The following EMG1 variants were observed in gnomAD, a reference collection of about 807,000 sequenced individuals.
EMG1 encodes EMG1 N1-specific pseudouridine methyltransferase.
A neutral mutation model predicts 26.9 loss-of-function variants in EMG1; 24 were observed. The observed-to-expected ratio is 0.89, with a 90% CI of 0.65 to 1.26. The LOEUF (loss-of-function observed/expected upper bound fraction) is 1.26. Ranked by LOEUF, EMG1 falls within the 50% of genes most tolerant of loss-of-function variation. EMG1 has a pLI of 0.00. For missense variants in EMG1, 299 were observed against 307.6 expected, an observed-to-expected ratio of 0.97 and a Z score of 0.21; for synonymous variants, 140 against 112.6, an observed-to-expected ratio of 1.24 and a Z score of -1.54.
At chr12:6,990,028 T>C (rs1296109984), downstream of EMG1, among the ~76,000 whole-genome samples, 7 of 149,454 alleles carry the variant, frequency 4.7e-5, no homozygotes, top group Non-Finnish European at 7.4e-5. Flanking sequence ...AAAAAAATAG[T>C]TGGGTGGGGT....
chr12:6,995,772 C>T (rs1342993364), intron 7 of EMG1, among the ~76,000 whole-genome samples: 1 of 152,176 alleles, frequency 6.6e-6, no homozygotes, highest in Non-Finnish European at 1.5e-5. Context: ...GACTACTCAA[C>T]AGAGTCAGCA....
chr12:6,975,209 TTC>T lies in EMG1; in HGVS notation c.472-14_472-13del, dbSNP rs782795998. 47 of 1,613,888 alleles carry T rather than the reference TTC, an allele frequency of 2.9e-5. No homozygotes were observed. The highest frequency in any genetic ancestry group is 3.4e-5 in the Non-Finnish European group (40 of 1,179,882). On this transcript the variant is annotated intron_variant, in intron 4 of 5. Coordinates refer to ENST00000599672, the MANE Select transcript of EMG1 (RefSeq NM_006331.8). ...CTGGGAATGTTTCTGGGGCTGACTTTTCTCTCTTTTTTACTTTAGGTAATTAA... is the reference window on the plus strand; with the variant it reads ...CTGGGAATGTTTCTGGGGCTGACTTTTCTCTTTTTTACTTTAGGTAATTAA...
rs377272519 is a variant in EMG1 at position 6,974,385 on chromosome 12, T to C, written c.215T>C (p.Ile72Thr). The change falls in exon 2 of 6, where the codon ATA becomes ACA. Residue 72 changes from isoleucine (I) to threonine (T), a missense_variant. By Grantham distance (89) the Ile-to-Thr change is moderately conservative. Coordinates refer to ENST00000599672, the MANE Select transcript of EMG1 (RefSeq NM_006331.8). ...CTCAACTGTGACAAGCACAAGTCTA[T>C]ATTGTTGAAGAATGGACGGGACCCT... ...ELLNCDKHKS[I>T]LLKNGRDPGE... is the part of the protein sequence containing the mutation. 3 of 1,613,696 alleles carry C rather than the reference T, an allele frequency of 1.9e-6. No homozygotes were observed. Among genetic ancestry groups the C allele is most frequent in the Admixed American group, 1.7e-5 (1 of 59,964 alleles).
rs202023054 is a variant in EMG1 at position 6,995,136 on chromosome 12, T to A, written c.*212-2089T>A. 5.9e-3 allele frequency among the ~76,000 whole-genome samples: 764 copies of A among 130,122 alleles called. 3 individuals carry two copies. The highest frequency in any genetic ancestry group is 0.02 in the African/African-American group (702 of 35,514). The allele number at this position is 130,122 out of a possible 152,430, so 85.4% of individuals were successfully genotyped here. A position where few individuals can be genotyped will look rare whatever the true frequency, so the allele number is the denominator to read the frequency against. Reference sequence around the variant, plus strand: ...CTTCTCTGGGCTTTTTTTTTTTTTTTAAATTAACAGTGTTACCATTCTCCA... The same window carrying A: ...CTTCTCTGGGCTTTTTTTTTTTTTTAAAATTAACAGTGTTACCATTCTCCA... On this transcript the variant is annotated intron_variant and NMD_transcript_variant, in intron 7 of 7. Transcript: ENST00000607161.
downstream of EMG1, among the ~76,000 whole-genome samples, chr12:6,989,164 C>T (rs1341840385): frequency 2.0e-5 from 3 of 151,838 alleles, no homozygotes; most frequent in Non-Finnish European, 2.9e-5. Context: ...TGTAACTGTT[C>T]CTTCTTTTTG....
At chr12:6,986,553 A>ATCAC (rs1946527759) in intron 6 of EMG1, among the ~76,000 whole-genome samples, 18 of 151,704 alleles carry the variant, frequency 1.2e-4, no homozygotes, top group African/African-American at 4.4e-4. Flanking sequence ...GGGAGGCTGA[A>ATCAC]GCAGGTGGAT....
chr12:6,992,214 T>C (rs1249081159), downstream of EMG1, among the ~76,000 whole-genome samples: 1 of 151,892 alleles, frequency 6.6e-6, no homozygotes, highest in Non-Finnish European at 1.5e-5. Flanking sequence ...TGCACACCTG[T>C]AGCCTCAGCT....
chr12:6,994,624 G>A (rs782395963), intron 7 of EMG1, among the ~76,000 whole-genome samples: 2 of 152,118 alleles, frequency 1.3e-5, no homozygotes, highest in East Asian at 1.9e-4. Context: ...GCACAGGACC[G>A]GCTAATTTCT....
intron 1 of EMG1, among the ~76,000 whole-genome samples, chr12:6,973,905 G>A (rs782278328): frequency 1.2e-4 from 19 of 152,256 alleles, no homozygotes; most frequent in Non-Finnish European, 2.4e-4. Context: ...CGCAAACTGA[G>A]GGTGGTGACT....
At chr12:6,981,828 A>G (rs1555154129), downstream of EMG1, 1 of 1,613,762 alleles carries the variant, frequency 6.2e-7, no homozygotes, top group Non-Finnish European at 8.5e-7. Flanking sequence ...CTTCAAAGTC[A>G]GAACACAATG....
chr12:6,981,468 G>A (rs782753414), downstream of EMG1: 1 of 942,646 alleles, frequency 1.1e-6, no homozygotes, highest in African/African-American at 1.6e-5. Flanking sequence ...ATCTGAAAGG[G>A]AGATTGCACA....
chr12:6,992,265 T>C (rs1261090716), downstream of EMG1, among the ~76,000 whole-genome samples: 2 of 151,746 alleles, frequency 1.3e-5, no homozygotes, highest in East Asian at 3.9e-4. Context: ...CCCAGGAAGT[T>C]GAGGCGGCAG....
intron 1 of EMG1, among the ~76,000 whole-genome samples, chr12:6,971,788 G>A (rs1175239970): frequency 6.6e-6 from 1 of 152,166 alleles, no homozygotes; most frequent in Non-Finnish European, 1.5e-5. Context: ...AGGGCTTCGT[G>A]TTTCAATTCA....
intron 3 of EMG1, 132 bp from the exon 4 acceptor site, chr12:6,974,958 C>A (rs1565594456): frequency 2.0e-6 from 2 of 977,418 alleles, no homozygotes; most frequent in Non-Finnish European, 3.2e-6. Flanking sequence ...TTGTTCCTAA[C>A]ATTTCAGGAG....
At chr12:6,982,250 G>C (rs1413876364), downstream of EMG1, among the ~76,000 whole-genome samples, 1 of 152,108 alleles carries the variant, frequency 6.6e-6, no homozygotes, top group Non-Finnish European at 1.5e-5. Flanking sequence ...TGTTGCCCGG[G>C]TTAGTCTCAA....
downstream of EMG1, chr12:6,982,613 C>A: frequency 2.4e-6 from 3 of 1,253,418 alleles, no homozygotes; most frequent in Non-Finnish European, 3.5e-6. Flanking sequence ...CAGTCCCCTG[C>A]CTACCCCTGT....
At chr12:6,985,637 C>T (rs1946516860) in intron 6 of EMG1, among the ~76,000 whole-genome samples, 1 of 151,682 alleles carries the variant, frequency 6.6e-6, no homozygotes, top group Admixed American at 6.6e-5. Context: ...ATCACTTGAA[C>T]CTGGGAGGCA....
intron 1 of EMG1, 74 bp downstream of exon 1, chr12:6,971,165 A>T (rs2075332543): frequency 7.8e-7 from 1 of 1,277,706 alleles, no homozygotes; most frequent in African/African-American, 1.5e-5. Context: ...TAAGGGGCCC[A>T]GAGTGGATGT....
rs1946450743 is a variant in EMG1 at position 6,979,782 on chromosome 12, T to TA, written c.*3975dup. 1.9e-5 allele frequency: 11 copies of TA among 586,912 alleles called. No homozygotes were observed. Among genetic ancestry groups the TA allele is most frequent in the Non-Finnish European group, 3.0e-5 (10 of 328,522 alleles). 36.4% of individuals were successfully genotyped at this position (586,912 alleles called of 1,614,324 possible). A position where few individuals can be genotyped will look rare whatever the true frequency, so the allele number is the denominator to read the frequency against. Reference sequence around the variant, plus strand: ...TGAGGAATGGGGACTGCAAACCTCTTAAGAGTTGTAGGAAAGTCAGGGCAG... The same window carrying TA: ...TGAGGAATGGGGACTGCAAACCTCTTAAAGAGTTGTAGGAAAGTCAGGGCAG... On this transcript the variant is annotated 3_prime_UTR_variant, in exon 6 of 6. Transcript: ENST00000599672.
Sources: allele counts gnomAD v4.1 joint callset (sites outside exome capture counted in the v4.1 genomes callset), GRCh38; gene constraint gnomAD v4.1.1; transcripts MANE v1.5; gene names NCBI Gene and HGNC (gene_info 2026-07-23, HGNC 2026-07-21).